Variants in USP26 observed in about 807,000 individuals in gnomAD.
USP26 encodes ubiquitin specific peptidase 26, also known as ubiquitin carboxyl-terminal hydrolase 26.
For missense variants in USP26, 649 were observed against 642.3 expected (o/e 1.01, Z -0.11); for synonymous variants, 236 against 240.6 (o/e 0.98, Z 0.18).
chrX:133,038,344 T>A (rs1370104836), intron 5 of USP26, among the ~76,000 whole-genome samples: 1 of 111,955 alleles, frequency 8.9e-6, no homozygotes, highest in African/African-American at 3.2e-5. Context: ...GTTGCATCAA[T>A]ACCTAGTTTA....
At chrX:133,035,352 G>T (rs934887942) in intron 5 of USP26, among the ~76,000 whole-genome samples, 7 of 112,019 alleles carry the variant, frequency 6.2e-5, no homozygotes, top group African/African-American at 2.3e-4. Flanking sequence ...CTGCAGGAGA[G>T]CAGAAAATAA....
intron 5 of USP26, among the ~76,000 whole-genome samples, chrX:133,072,445 C>T (rs1459701064): frequency 8.9e-6 from 1 of 112,454 alleles, no homozygotes; most frequent in East Asian, 2.8e-4. Context: ...TATAGGACCT[C>T]TATAAAGTCC....
chrX:133,036,129 T>TATAC (rs2067395090), intron 5 of USP26, among the ~76,000 whole-genome samples: 1 of 109,586 alleles, frequency 9.1e-6, no homozygotes, highest in Non-Finnish European at 1.9e-5. Flanking sequence ...AAATTATATA[T>TATAC]ATATATATGT....
intron 5 of USP26, among the ~76,000 whole-genome samples, chrX:133,031,892 A>T (rs1256474593): frequency 1.8e-5 from 2 of 111,856 alleles, no homozygotes; most frequent in Non-Finnish European, 3.8e-5. Flanking sequence ...CATGCCTGTA[A>T]TCCCAGAATT....
At chrX:133,035,625 A>ATT (rs1296909200) in intron 5 of USP26, among the ~76,000 whole-genome samples, 1 of 111,287 alleles carries the variant, frequency 9.0e-6, no homozygotes, top group African/African-American at 3.3e-5. Context: ...TATTATTATT[A>ATT]TTTTTTTCCT....
At chrX:133,077,829 C>G (rs1007124756) in intron 5 of USP26, among the ~76,000 whole-genome samples, 3 of 111,473 alleles carry the variant, frequency 2.7e-5, no homozygotes, top group East Asian at 5.7e-4. Context: ...CGCCTGTAAC[C>G]CCAATACTTT....
intron 5 of USP26, among the ~76,000 whole-genome samples, chrX:133,029,787 C>A (rs2067369643): frequency 9.0e-6 from 1 of 111,675 alleles, no homozygotes; most frequent in Admixed American, 9.6e-5. Flanking sequence ...TCTCTGCCCT[C>A]AAAAATACAG....
At position 133,025,720 on chromosome X, in the gene USP26, C is replaced by G. The variant is rs2067343432; in HGVS notation, c.2501G>C (p.Gly834Ala). The G allele has an allele frequency of 8.3e-7, 1 of 1,211,424 alleles. No homozygotes were observed. Among genetic ancestry groups the G allele is most frequent in the East Asian group, 3.0e-5 (1 of 33,849 alleles). ...ATAATGGCCTGACTTTAGAGTCTTC[C>G]CAAGATGGCTGACAACACTAATGAG... Reference protein sequence around the residue: ...YRLISVVSHLGKTLKSGHYIC... With the variant: ...YRLISVVSHLAKTLKSGHYIC... Residue 834 changes from glycine to alanine, a missense_variant, in exon 6 of 6, where the codon GGG (glycine) becomes GCG (alanine). By Grantham distance (60) the Gly-to-Ala change is moderately conservative (BLOSUM62 0). Transcript: ENST00000511190.
intron 5 of USP26, among the ~76,000 whole-genome samples, chrX:133,048,888 C>G (rs998274504): frequency 1.8e-5 from 2 of 111,770 alleles, no homozygotes; most frequent in African/African-American, 6.5e-5. Context: ...CTCCACTAAG[C>G]ACAACTCCCT....
intron 5 of USP26, among the ~76,000 whole-genome samples, chrX:133,053,263 C>T (rs1354921466): frequency 8.9e-6 from 1 of 111,849 alleles, no homozygotes. Context: ...AGAGGGCTGG[C>T]GTGGTTGCTC....
At chrX:133,068,616 TAGGCAGA>T (rs2148534068) in intron 5 of USP26, among the ~76,000 whole-genome samples, 1 of 112,305 alleles carries the variant, frequency 8.9e-6, no homozygotes, top group South Asian at 3.7e-4. Context: ...CCATTGCCTG[TAGGCAGA>T]AGGCTTTGGT....
chrX:133,047,318 A>G (rs755441851), intron 5 of USP26, among the ~76,000 whole-genome samples: 166 of 111,833 alleles, frequency 1.5e-3, no homozygotes, highest in African/African-American at 5.0e-3. Flanking sequence ...TAGTATGTCT[A>G]TTCCCTCAAT....
At chrX:133,089,308 G>A (rs973169098) in intron 4 of USP26, among the ~76,000 whole-genome samples, 2 of 111,914 alleles carry the variant, frequency 1.8e-5, no homozygotes, top group African/African-American at 6.5e-5. Context: ...GTTGTCAAGT[G>A]TCTTCACCTA....
At chrX:133,058,905 C>T (rs2067485995) in intron 5 of USP26, among the ~76,000 whole-genome samples, 1 of 111,189 alleles carries the variant, frequency 9.0e-6, no homozygotes, top group African/African-American at 3.3e-5. Flanking sequence ...TTTCTGCCTC[C>T]TGGGCTCAAG....
At chrX:133,088,808 G>T (rs1367706476) in intron 4 of USP26, among the ~76,000 whole-genome samples, 1 of 112,124 alleles carries the variant, frequency 8.9e-6, no homozygotes, top group Non-Finnish European at 1.9e-5. Context: ...GAACAAGTGT[G>T]TGCAAAAGGA....
chrX:133,041,121 G>C lies in USP26; in HGVS notation c.-76-12825C>G, dbSNP rs192284435. On this transcript the variant is annotated intron_variant, in intron 5 of 5. Coordinates refer to ENST00000511190, the MANE Select transcript of USP26 (RefSeq NM_031907.3). ...TTTTATCAAGGTTCTTCGCTTCCTTGCATTGGTTTAAAACATGCTCCTTGA... is the reference window on the plus strand; with the variant it reads ...TTTTATCAAGGTTCTTCGCTTCCTTCCATTGGTTTAAAACATGCTCCTTGA... Among the ~76,000 whole-genome samples the C allele has an allele frequency of 1.4e-4, 16 of 110,811 alleles. No homozygotes were observed. The East Asian group carries it at 4.0e-3, about 28-fold the overall frequency.
In USP26 at chrX:133,027,599, C is replaced by T. The variant is rs1035641802; in HGVS notation, c.622G>A (p.Ala208Thr). Reference protein sequence around the residue: ...NNSVEYKKSKADCSRCVSYNR... With the variant: ...NNSVEYKKSKTDCSRCVSYNR... ...TAGCTTACACACCTCGAACAATCTG[C>T]CTTGGATTTCTTGTATTCTACAGAA... The change falls in exon 6 of 6, where the codon GCA (alanine) becomes ACA (threonine). Residue 208 changes from alanine (A) to threonine (T), a missense_variant. Coordinates refer to ENST00000511190, the MANE Select transcript of USP26 (RefSeq NM_031907.3). The T allele has an allele frequency of 8.3e-7, 1 of 1,210,210 alleles. No individual in the cohort carries two copies. Among genetic ancestry groups the T allele is most frequent in the African/African-American group, 1.7e-5 (1 of 57,778 alleles).
At chrX:133,037,654 A>T (rs2067400535) in intron 5 of USP26, among the ~76,000 whole-genome samples, 1 of 111,912 alleles carries the variant, frequency 8.9e-6, no homozygotes, top group Non-Finnish European at 1.9e-5. Flanking sequence ...TCTTAGCTAT[A>T]TGGGCTCTTT....
chrX:133,052,893 G>C (rs578222492), intron 5 of USP26, among the ~76,000 whole-genome samples: 1 of 111,409 alleles, frequency 9.0e-6, no homozygotes, highest in Admixed American at 9.6e-5. Context: ...ACTGGTAGCT[G>C]TCTCCTATTG....
Sources: allele counts gnomAD v4.1 joint callset (sites outside exome capture counted in the v4.1 genomes callset), GRCh38; gene constraint gnomAD v4.1.1; transcripts MANE v1.5; gene names NCBI Gene and HGNC (gene_info 2026-07-23, HGNC 2026-07-21).